Variants in EYS observed in about 807,000 individuals in gnomAD.
The protein encoded by EYS is EGF-like photoreceptor maintenance factor, also known as protein eyes shut homolog.
A neutral mutation model predicts 282.1 loss-of-function variants in EYS; 250 were observed. The observed-to-expected ratio is 0.89, with a 90% CI of 0.80 to 0.98. The LOEUF is 0.98. EYS is among the 50% of genes least tolerant of loss of function. The pLI is 0.00. For missense variants in EYS, 4,016 were observed against 3,709.0 expected (o/e 1.08, Z -2.15); for synonymous variants, 1,355 against 1,282.9 (o/e 1.06, Z -1.20).
chr6:64,933,078 G>C (rs1001680327), intron 15 of EYS, among the ~76,000 whole-genome samples: 2 of 151,932 alleles, frequency 1.3e-5, no homozygotes, highest in Non-Finnish European at 2.9e-5. Flanking sequence ...GAGGACACCC[G>C]AATATTGGAT....
chr6:65,003,294 T>C (rs1483090255), intron 13 of EYS, among the ~76,000 whole-genome samples: 1 of 147,116 alleles, frequency 6.8e-6, no homozygotes, highest in African/African-American at 2.4e-5. Context: ...ACTGCAGGCG[T>C]GAAATAGACC....
At chr6:64,987,983 T>C (rs1348642605) in intron 14 of EYS, among the ~76,000 whole-genome samples, 1 of 151,544 alleles carries the variant, frequency 6.6e-6, no homozygotes. Context: ...ATATTTAATA[T>C]ACTCATCCAC....
chr6:64,370,595 G>A (rs1364192992), intron 29 of EYS, among the ~76,000 whole-genome samples: 4 of 152,202 alleles, frequency 2.6e-5, no homozygotes, highest in African/African-American at 9.6e-5. Context: ...AGTATTAATA[G>A]TACCAGCTCT....
chr6:65,254,391 A>G (rs1767406677), intron 12 of EYS, among the ~76,000 whole-genome samples: 2 of 151,930 alleles, frequency 1.3e-5, no homozygotes, highest in Admixed American at 1.3e-4. Flanking sequence ...TTAAAGTGTA[A>G]GAACAAGTAG....
chr6:65,612,215 T>A (rs902123457), intron 2 of EYS, among the ~76,000 whole-genome samples: 1 of 150,742 alleles, frequency 6.6e-6, no homozygotes, highest in African/African-American at 2.4e-5. Flanking sequence ...TGTATATATA[T>A]GATATATATG....
At chr6:65,215,405 G>A (rs589989) in intron 12 of EYS, among the ~76,000 whole-genome samples, 3,289 of 152,238 alleles carry the variant, frequency 0.022, 107 homozygotes, top group African/African-American at 0.075. Context: ...ATTAGAAGAA[G>A]GGCCTAAAGA....
chr6:65,259,891 G>A (rs1004526156), intron 12 of EYS, among the ~76,000 whole-genome samples: 5 of 152,120 alleles, frequency 3.3e-5, no homozygotes, highest in Non-Finnish European at 7.4e-5. Context: ...TCTTTGGACA[G>A]CTCATGCAAT....
rs1768563083 is a variant in EYS at position 65,550,170 on chromosome 6, T to C, written c.-332-54177A>G. Among the ~76,000 whole-genome samples the C allele has an allele frequency of 3.2e-4, 3 of 9,322 alleles. 1 individual carries two copies. The highest frequency in any genetic ancestry group is 4.3e-4 in the Non-Finnish European group (3 of 6,916). The allele number at this position is 9,322 out of a possible 152,430, so 6.1% of individuals were successfully genotyped here. On this transcript the variant is annotated intron_variant, in intron 2 of 42. Coordinates refer to ENST00000503581, the MANE Select transcript of EYS (RefSeq NM_001142800.2). Reference sequence around the variant, plus strand: ...TTTTTTTTTTTTTTTTTTTTTTTTTTTTTTTTTTTTTTTTTGGGGATAAGA... The same window carrying C: ...TTTTTTTTTTTTTTTTTTTTTTTTTCTTTTTTTTTTTTTTTGGGGATAAGA...
intron 12 of EYS, among the ~76,000 whole-genome samples, chr6:65,236,576 C>G (rs1037085911): frequency 6.6e-5 from 10 of 151,824 alleles, no homozygotes; most frequent in Non-Finnish European, 7.4e-5. Context: ...CCACTGTACT[C>G]CAGCTTGGGC....
chr6:64,471,164 G>T (rs116646843), intron 26 of EYS, among the ~76,000 whole-genome samples: 2,483 of 152,154 alleles, frequency 0.016, 22 homozygotes, highest in South Asian at 0.035. Context: ...AATTCTGCAG[G>T]TCAAGAATAT....
Position 64,582,095 on chromosome 6 carries a change from T to C in EYS, c.5644+8128A>G, listed in dbSNP as rs138972311. Reference sequence around the variant, plus strand: ...AACATAGTAAGTATTCTGGGCTTGCTATGTGTGACACAACCTCTGTCACAA... The same window carrying C: ...AACATAGTAAGTATTCTGGGCTTGCCATGTGTGACACAACCTCTGTCACAA... On this transcript the variant is annotated intron_variant, in intron 26 of 42. Coordinates refer to ENST00000503581, the MANE Select transcript of EYS (RefSeq NM_001142800.2). Among the ~76,000 whole-genome samples the C allele has an allele frequency of 1.8e-4, 28 of 152,314 alleles. No individual in the cohort carries two copies. In the East Asian group the frequency reaches 5.0e-3, roughly 27 times the overall value.
intron 2 of EYS, among the ~76,000 whole-genome samples, chr6:65,502,960 C>G (rs1008143668): frequency 5.9e-5 from 9 of 151,642 alleles, no homozygotes; most frequent in Non-Finnish European, 1.3e-4. Flanking sequence ...AGTTTCACCA[C>G]CACTCTTTTA....
At chr6:65,281,705 C>T (rs1768224235) in intron 12 of EYS, among the ~76,000 whole-genome samples, 2 of 151,998 alleles carry the variant, frequency 1.3e-5, no homozygotes, top group African/African-American at 4.8e-5. Context: ...TTCTACTAGG[C>T]CTCATATCAG....
Position 65,060,445 on chromosome 6 carries a change from A to C in EYS, c.2024-2718T>G, listed in dbSNP as rs539144095. Among the ~76,000 whole-genome samples, 3 of 152,088 alleles carry C rather than the reference A, an allele frequency of 2.0e-5. No individual in the cohort carries two copies. In the East Asian group the frequency reaches 5.8e-4, roughly 30 times the overall value. On this transcript the variant is annotated intron_variant, in intron 12 of 42. Transcript: ENST00000503581. ...AGTACAGTGCTTTAGCAGGAGAAAT[A>C]CAAATTTAGAGGATGATGTAAAAAA...
intron 31 of EYS, among the ~76,000 whole-genome samples, chr6:64,180,418 A>G (rs1487207854): frequency 6.6e-6 from 1 of 152,038 alleles, no homozygotes; most frequent in African/African-American, 2.4e-5. Flanking sequence ...TTAGGTTTAA[A>G]CCTCATTTTC....
intron 2 of EYS, among the ~76,000 whole-genome samples, chr6:65,592,003 T>C (rs1765249302): frequency 6.6e-6 from 1 of 151,954 alleles, no homozygotes; most frequent in African/African-American, 2.4e-5. Context: ...ATGTGATGGA[T>C]AACTGCAGTA....
At chr6:64,539,299 C>T in intron 26 of EYS, among the ~76,000 whole-genome samples, 1 of 152,130 alleles carries the variant, frequency 6.6e-6, no homozygotes, top group Non-Finnish European at 1.5e-5. Flanking sequence ...GGTACAGAGG[C>T]TCCTGTCTGT....
chr6:64,937,015 G>T (rs1052259001), intron 15 of EYS, among the ~76,000 whole-genome samples: 1 of 151,396 alleles, frequency 6.6e-6, no homozygotes, highest in Non-Finnish European at 1.5e-5. Context: ...TCTAATTCAT[G>T]TTAAAGTTAC....
chr6:64,696,704 C>T (rs1770593705), intron 22 of EYS, among the ~76,000 whole-genome samples: 3 of 152,014 alleles, frequency 2.0e-5, no homozygotes, highest in South Asian at 4.1e-4. Context: ...TTTCAAAGTG[C>T]TTAAAGAAAA....
Sources: gnomAD v4.1 joint callset for allele counts (sites outside exome capture counted in the v4.1 genomes callset) on GRCh38, gnomAD v4.1.1 for gene constraint, MANE v1.5 for transcripts, NCBI Gene and HGNC (gene_info 2026-07-23, HGNC 2026-07-21) for gene names.